The following PPA2 variants were observed in gnomAD, a reference collection of about 807,000 sequenced individuals.
PPA2 encodes inorganic pyrophosphatase 2, mitochondrial.
A neutral mutation model predicts 49.5 loss-of-function variants in PPA2; 48 were observed. The observed-to-expected ratio is 0.97, with a 90% CI of 0.77 to 1.23. The LOEUF is 1.23. PPA2 is among the 50% of genes most tolerant of loss of function. The probability of loss-of-function intolerance (pLI) is 0.00; values close to 1 mark genes in which losing one functional copy is unlikely to be tolerated. For missense variants in PPA2, 429 were observed against 410.1 expected (o/e 1.05, Z -0.40); for synonymous variants, 131 against 139.9 (o/e 0.94, Z 0.45).
Position 105,468,847 on chromosome 4 carries a change from A to C in PPA2, c.157+5047T>G, listed in dbSNP as rs73836263. Among the ~76,000 whole-genome samples, 746 of 152,304 alleles carry C rather than the reference A, an allele frequency of 4.9e-3. 6 individuals are homozygous for C. Among genetic ancestry groups the C allele is most frequent in the African/African-American group, 0.016 (650 of 41,548 alleles). On this transcript the variant is annotated intron_variant, in intron 1 of 11. Transcript: ENST00000341695. ...TTGTGTACTATTTGTAGTACAACTTAAACTAATCCCCCTGTGTTAAGTTCT... is the reference window on the plus strand; with the variant it reads ...TTGTGTACTATTTGTAGTACAACTTCAACTAATCCCCCTGTGTTAAGTTCT...
intron 5 of PPA2, among the ~76,000 whole-genome samples, chr4:105,440,104 C>T (rs1336210536): frequency 6.6e-6 from 1 of 152,052 alleles, no homozygotes; most frequent in Non-Finnish European, 1.5e-5. Context: ...CATAATTTTG[C>T]TTATCCCTAC....
chr4:105,417,560 A>C (rs1723069000), intron 7 of PPA2, among the ~76,000 whole-genome samples: 1 of 140,550 alleles, frequency 7.1e-6, no homozygotes, highest in African/African-American at 3.1e-5. Context: ...ACTGAAACCA[A>C]AAAAAAAAAA....
At chr4:105,395,079 TAA>T (rs146163229) in intron 9 of PPA2, among the ~76,000 whole-genome samples, 50 of 148,390 alleles carry the variant, frequency 3.4e-4, no homozygotes, top group African/African-American at 1.1e-3. Context: ...AGATTATGCT[TAA>T]AAAAAAAAGA....
At chr4:105,440,296 C>CT (rs1256632736) in intron 5 of PPA2, among the ~76,000 whole-genome samples, 1 of 151,662 alleles carries the variant, frequency 6.6e-6, no homozygotes, top group African/African-American at 2.4e-5. Context: ...GAGTCTCCCT[C>CT]TGTCTACCAG....
At chr4:105,406,189 T>C (rs1208966722) in intron 7 of PPA2, among the ~76,000 whole-genome samples, 1 of 139,342 alleles carries the variant, frequency 7.2e-6, no homozygotes, top group Non-Finnish European at 1.6e-5. Flanking sequence ...AACGTGGATA[T>C]GGCAGGAAAA....
At chr4:105,456,772 A>G (rs1429820775) in intron 1 of PPA2, 27 bp from the exon 2 acceptor site, 1 of 1,551,644 alleles carries the variant, frequency 6.4e-7, no homozygotes, top group Non-Finnish European at 8.8e-7. Context: ...AAACAAAACA[A>G]AACAGAATTA....
intron 6 of PPA2, among the ~76,000 whole-genome samples, chr4:105,434,086 C>T (rs1441439972): frequency 6.6e-6 from 1 of 152,112 alleles, no homozygotes; most frequent in Non-Finnish European, 1.5e-5. Context: ...GCTCGCCTCC[C>T]AAAGTGCTGG....
At chr4:105,461,467 T>G (rs1723089637) in intron 1 of PPA2, among the ~76,000 whole-genome samples, 1 of 152,204 alleles carries the variant, frequency 6.6e-6, no homozygotes, top group Non-Finnish European at 1.5e-5. Context: ...AGTCAGACTT[T>G]CGGTTGGTAT....
intron 10 of PPA2, among the ~76,000 whole-genome samples, chr4:105,382,872 A>C (rs1222056798): frequency 6.6e-6 from 1 of 152,056 alleles, no homozygotes; most frequent in African/African-American, 2.4e-5. Context: ...GTGGTGGCAC[A>C]CACCTGTAGT....
At chr4:105,395,285 G>C (rs1734091467) in intron 9 of PPA2, among the ~76,000 whole-genome samples, 1 of 124,920 alleles carries the variant, frequency 8.0e-6, no homozygotes, top group African/African-American at 2.5e-5. Flanking sequence ...GATTACCTTA[G>C]TCTAGAATTT....
intron 1 of PPA2, among the ~76,000 whole-genome samples, chr4:105,468,854 T>G (rs1300654995): frequency 6.6e-6 from 1 of 152,160 alleles, no homozygotes; most frequent in Non-Finnish European, 1.5e-5. Flanking sequence ...CTTAAACTAA[T>G]CCCCCTGTGT....
intron 1 of PPA2, among the ~76,000 whole-genome samples, chr4:105,463,370 T>C (rs1723172588): frequency 6.6e-6 from 1 of 152,090 alleles, no homozygotes; most frequent in Non-Finnish European, 1.5e-5. Context: ...GAGGAAGAAA[T>C]TTCTAAGAAG....
chr4:105,400,502 GATT>G (rs1734320919), intron 7 of PPA2, among the ~76,000 whole-genome samples: 1 of 152,072 alleles, frequency 6.6e-6, no homozygotes, highest in South Asian at 2.1e-4. Flanking sequence ...ACATGGTGGT[GATT>G]GCCTATAGTC....
intron 7 of PPA2, among the ~76,000 whole-genome samples, chr4:105,410,906 T>C (rs1722722882): frequency 1.3e-5 from 2 of 152,168 alleles, no homozygotes; most frequent in Non-Finnish European, 2.9e-5. Context: ...CAAGAGCTCC[T>C]GAAGGAAGCA....
intron 2 of PPA2, among the ~76,000 whole-genome samples, chr4:105,455,728 T>C (rs1006954987): frequency 6.6e-6 from 1 of 152,178 alleles, no homozygotes; most frequent in Non-Finnish European, 1.5e-5. Flanking sequence ...CTATGATGCA[T>C]AATATTCAGC....
intron 7 of PPA2, among the ~76,000 whole-genome samples, chr4:105,419,377 A>T (rs113225224): frequency 0.02 from 3,098 of 152,038 alleles, 48 homozygotes; most frequent in Middle Eastern, 0.062. Context: ...CTCACTGTTC[A>T]ACTCCCACCT....
At chr4:105,369,874 G>T in intron 11 of PPA2, 121 bp from the exon 12 acceptor site, 1 of 904,516 alleles carries the variant, frequency 1.1e-6, no homozygotes. Context: ...ACAGTCATAA[G>T]CTATCTAAAG....
At chr4:105,427,256 A>G (rs1375131936) in intron 6 of PPA2, among the ~76,000 whole-genome samples, 1 of 152,224 alleles carries the variant, frequency 6.6e-6, no homozygotes, top group Non-Finnish European at 1.5e-5. Flanking sequence ...CCAGAGCAGA[A>G]AGGCTGAAAA....
At chr4:105,466,647 G>A (rs1723313645) in intron 1 of PPA2, among the ~76,000 whole-genome samples, 2 of 152,132 alleles carry the variant, frequency 1.3e-5, no homozygotes, top group Non-Finnish European at 2.9e-5. Context: ...AGGAACAAAG[G>A]GAAGGAAGGT....
Sources: allele counts gnomAD v4.1 joint callset (sites outside exome capture counted in the v4.1 genomes callset), GRCh38; gene constraint gnomAD v4.1.1; transcripts MANE v1.5; gene names NCBI Gene and HGNC (gene_info 2026-07-23, HGNC 2026-07-21).